The following FILIP1L variants were observed in gnomAD, a reference collection of about 807,000 sequenced individuals.
The protein encoded by FILIP1L is filamin A interacting protein 1 like.
Under a neutral mutation model 96.6 loss-of-function variants are expected in FILIP1L, and 55 were observed. The observed-to-expected ratio is 0.57, with a 90% CI of 0.46 to 0.71. FILIP1L has a LOEUF of 0.71. Among genes scored for constraint, FILIP1L ranks in the 30% least tolerant of loss-of-function variants. The pLI is 0.00. For missense variants in FILIP1L, 1,304 were observed against 1,321.2 expected (o/e 0.99, Z 0.20); for synonymous variants, 467 against 473.9 (o/e 0.99, Z 0.19).
intron 1 of FILIP1L, among the ~76,000 whole-genome samples, chr3:99,945,340 C>T (rs530663421): frequency 1.1e-4 from 17 of 152,136 alleles, no homozygotes; most frequent in African/African-American, 3.9e-4. Context: ...AGCCTTGTTG[C>T]GTAGATCTGG....
intron 1 of FILIP1L, among the ~76,000 whole-genome samples, chr3:99,941,395 A>C (rs941540434): frequency 9.2e-5 from 14 of 152,270 alleles, no homozygotes; most frequent in Non-Finnish European, 1.6e-4. Flanking sequence ...TAATTCTGCC[A>C]AAGGGCCTTA....
At chr3:100,031,220 A>AG (rs2065016882) in intron 1 of FILIP1L, among the ~76,000 whole-genome samples, 1 of 152,210 alleles carries the variant, frequency 6.6e-6, no homozygotes, top group Non-Finnish European at 1.5e-5. Flanking sequence ...ATATGCCCAA[A>AG]GTACCCCATT....
intron 4 of FILIP1L, among the ~76,000 whole-genome samples, chr3:99,908,955 C>G (rs890470933): frequency 6.6e-6 from 1 of 152,104 alleles, no homozygotes; most frequent in Non-Finnish European, 1.5e-5. Context: ...TGAGATTACT[C>G]TGACCCCATT....
intron 1 of FILIP1L, among the ~76,000 whole-genome samples, chr3:99,967,938 G>A (rs949349679): frequency 6.6e-6 from 1 of 152,204 alleles, no homozygotes; most frequent in Non-Finnish European, 1.5e-5. Flanking sequence ...GTATGTGGGA[G>A]TGTCAGAAAA....
intron 1 of FILIP1L, among the ~76,000 whole-genome samples, chr3:100,030,990 C>T (rs1048608968): frequency 1.3e-5 from 2 of 152,114 alleles, no homozygotes; most frequent in South Asian, 2.1e-4. Context: ...ATATTTACCA[C>T]CTGATAATAT....
At chr3:99,931,736 C>T (rs531669916) in intron 1 of FILIP1L, among the ~76,000 whole-genome samples, 32 of 152,256 alleles carry the variant, frequency 2.1e-4, no homozygotes, top group Non-Finnish European at 3.5e-4. Context: ...TACTACCTAA[C>T]GTAGTTGGCC....
At position 99,906,964 on chromosome 3, in the gene FILIP1L, TTTTAAGTTTATTTAAATAATA is replaced by T. The variant is rs1162505936; in HGVS notation, c.605+17245_605+17265del. On this transcript the variant is annotated intron_variant, in intron 4 of 5. Coordinates refer to ENST00000477258, the MANE Select transcript of FILIP1L (RefSeq NM_001387850.1). ...GAATGGTTTCATGGAGCAGAACGAC[TTTTAAGTTTATTTAAATAATA>T]TTTAAGTTTATTTAAATAATGTTTA... 3.4e-4 allele frequency among the ~76,000 whole-genome samples: 52 copies of T among 152,338 alleles called. No homozygotes were observed. In the East Asian group the frequency reaches 6.7e-3, roughly 20 times the overall value.
chr3:99,896,406 G>A (rs997660231), intron 4 of FILIP1L, among the ~76,000 whole-genome samples: 3 of 152,140 alleles, frequency 2.0e-5, no homozygotes, highest in Non-Finnish European at 2.9e-5. Flanking sequence ...CATTAGTACA[G>A]CATTTCTGTG....
chr3:100,045,963 G>A (rs1559738159), intron 1 of FILIP1L, among the ~76,000 whole-genome samples: 2 of 152,104 alleles, frequency 1.3e-5, no homozygotes, highest in Non-Finnish European at 2.9e-5. Context: ...AGAAGGGAAG[G>A]GGAAGAAGCT....
chr3:99,965,873 A>G (rs1236225690), intron 1 of FILIP1L, among the ~76,000 whole-genome samples: 1 of 152,106 alleles, frequency 6.6e-6, no homozygotes, highest in Non-Finnish European at 1.5e-5. Context: ...CCATGCAGTC[A>G]TGTTGTCCAG....
intron 4 of FILIP1L, among the ~76,000 whole-genome samples, chr3:99,900,307 A>G (rs1251016984): frequency 6.6e-6 from 1 of 152,242 alleles, no homozygotes; most frequent in East Asian, 1.9e-4. Context: ...TGAGGATATT[A>G]ATAACAACTA....
intron 3 of FILIP1L, 32 bp from the exon 4 acceptor site, chr3:99,924,440 A>G (rs375826520): frequency 6.3e-7 from 1 of 1,591,698 alleles, no homozygotes; most frequent in African/African-American, 1.3e-5. Flanking sequence ...GCCTGTTACC[A>G]AATTGTTTAT....
chr3:99,903,411 C>CTGGCGTACCCCTTTATTTTGA (rs1706505225), intron 4 of FILIP1L, among the ~76,000 whole-genome samples: 1 of 152,044 alleles, frequency 6.6e-6, no homozygotes, highest in Admixed American at 6.5e-5. Context: ...GCCACCACAC[C>CTGGCGTACCCCTTTATTTTGA]CAGCTAATTT....
chr3:100,008,510 A>G (rs898694107), intron 1 of FILIP1L, among the ~76,000 whole-genome samples: 11 of 152,212 alleles, frequency 7.2e-5, no homozygotes, highest in Non-Finnish European at 1.5e-4. Flanking sequence ...TAGAATTTAG[A>G]GGAAGTGCTG....
At chr3:100,019,347 C>T (rs2064762862) in intron 1 of FILIP1L, among the ~76,000 whole-genome samples, 1 of 151,920 alleles carries the variant, frequency 6.6e-6, no homozygotes, top group Non-Finnish European at 1.5e-5. Flanking sequence ...GTGAAACAGC[C>T]AAGGGGTAAA....
intron 1 of FILIP1L, among the ~76,000 whole-genome samples, chr3:100,044,275 T>G (rs1273035592): frequency 6.6e-6 from 1 of 152,242 alleles, no homozygotes; most frequent in East Asian, 1.9e-4. Flanking sequence ...ATTGACATGG[T>G]CTTTGCCCTA....
intron 1 of FILIP1L, among the ~76,000 whole-genome samples, chr3:100,081,436 C>A (rs560787213): frequency 1.3e-3 from 197 of 152,288 alleles, no homozygotes; most frequent in African/African-American, 4.6e-3. Flanking sequence ...TCTTGTCTGT[C>A]AATGCTAGTC....
intron 1 of FILIP1L, among the ~76,000 whole-genome samples, chr3:99,937,908 G>A (rs1036330181): frequency 6.6e-5 from 10 of 152,194 alleles, no homozygotes; most frequent in African/African-American, 2.4e-4. Flanking sequence ...ATTTTAGCCT[G>A]AAGTAAATGA....
intron 4 of FILIP1L, among the ~76,000 whole-genome samples, chr3:99,867,884 G>A (rs1236469274): frequency 6.6e-6 from 1 of 152,148 alleles, no homozygotes; most frequent in Non-Finnish European, 1.5e-5. Flanking sequence ...CAAGTTGTAA[G>A]TATGCTGTAA....
Sources: gnomAD v4.1 joint callset for allele counts (sites outside exome capture counted in the v4.1 genomes callset) on GRCh38, gnomAD v4.1.1 for gene constraint, MANE v1.5 for transcripts, NCBI Gene and HGNC (gene_info 2026-07-23, HGNC 2026-07-21) for gene names.